RRBP1: variants seen among roughly 807,000 people sequenced by gnomAD.
The protein encoded by RRBP1 is ribosome-binding protein 1.
A neutral mutation model predicts 165.2 loss-of-function variants in RRBP1; 94 were observed. The observed-to-expected ratio is 0.57, with a 90% confidence interval of 0.48 to 0.68. The LOEUF (loss-of-function observed/expected upper bound fraction) is 0.68. RRBP1 is among the 30% of genes least tolerant of loss of function. The pLI is 0.00. For missense variants in RRBP1, 1,676 were observed against 1,763.0 expected (o/e 0.95, Z 0.88); for synonymous variants, 680 against 714.5 (o/e 0.95, Z 0.77).
intron 3 of RRBP1, among the ~76,000 whole-genome samples, chr20:17,650,917 G>A (rs1221515008): frequency 6.6e-6 from 1 of 152,184 alleles, no homozygotes; most frequent in East Asian, 1.9e-4. Flanking sequence ...CAACACCACT[G>A]CATACACACA....
Position 17,643,032 on chromosome 20 carries a change from G to A in RRBP1, c.2008C>T (p.Leu670Phe), listed in dbSNP as rs775449638. Residue 670 changes from leucine (L) to phenylalanine (F), a missense_variant, in exon 4 of 25, where the codon CTC becomes TTC. Leu to Phe is a conservative substitution (Grantham distance 22). Transcript: ENST00000377813. The surrounding 1 kb of genome is among the most constrained non-coding windows in gnomAD (Gnocchi z 4.3). The stretch of plus-strand genomic sequence containing the variant: ...GCCTTCTCAGACAGGATCTCGATGA[G>A]CCGCTGGGCCTCGCCCTCGTTGAAC... ...MVFNEGEAQR[L>F]IEILSEKAGI... 10 of 1,613,972 alleles carry A rather than the reference G, an allele frequency of 6.2e-6. No homozygotes were observed. In the East Asian group the frequency reaches 2.2e-4, roughly 36 times the overall value.
At chr20:17,634,303 AC>A (rs1467682394) in intron 7 of RRBP1, among the ~76,000 whole-genome samples, 1 of 152,186 alleles carries the variant, frequency 6.6e-6, no homozygotes, top group African/African-American at 2.4e-5. Flanking sequence ...AAACCCTGGG[AC>A]GCAGCACCAG....
intron 13 of RRBP1, 71 bp from the exon 14 acceptor site, chr20:17,622,018 C>G: frequency 8.8e-7 from 1 of 1,137,974 alleles, no homozygotes; most frequent in Non-Finnish European, 1.3e-6. Context: ...CAGGTCTTTA[C>G]TGATATGCCC....
intron 11 of RRBP1, 139 bp from the exon 12 acceptor site, chr20:17,625,741 A>C (rs2036005740): frequency 6.0e-6 from 4 of 663,556 alleles, no homozygotes; most frequent in South Asian, 1.8e-5. Context: ...GGCTGCCCCC[A>C]CCTCACCCAG....
chr20:17,667,738 G>A (rs1254277542), intron 2 of RRBP1, among the ~76,000 whole-genome samples: 1 of 152,190 alleles, frequency 6.6e-6, no homozygotes, highest in Non-Finnish European at 1.5e-5. Context: ...CCCAAATGCT[G>A]GCCATCTGCT....
In RRBP1 at chr20:17,629,851, C is replaced by T. The variant is rs749070869; in HGVS notation, c.2721G>A (p.Lys907=). The T allele has an allele frequency of 5.0e-6, 8 of 1,599,498 alleles. No homozygotes were observed. Among genetic ancestry groups the T allele is most frequent in the Non-Finnish European group, 6.8e-6 (8 of 1,179,388 alleles). The change falls in exon 9 of 25, where the codon AAG becomes AAA. Residue 907 remains lysine (K), a synonymous_variant. Coordinates refer to ENST00000377813, the MANE Select transcript of RRBP1 (RefSeq NM_001365613.2). ...CCATCTGCTGCTGTTGCTCCTGGGCCTTCTCGGCATCCGCCCGGAGGCTGG... is the reference window on the plus strand; with the variant it reads ...CCATCTGCTGCTGTTGCTCCTGGGCTTTCTCGGCATCCGCCCGGAGGCTGG... ...SHASLRADAE[K]AQEQQQQMAE...
chr20:17,617,041 CTA>C (rs2122239521), intron 20 of RRBP1, among the ~76,000 whole-genome samples: 1 of 152,284 alleles, frequency 6.6e-6, no homozygotes, highest in Non-Finnish European at 1.5e-5. Flanking sequence ...AGCCTCTGGG[CTA>C]ATGAGACCCA....
intron 24 of RRBP1, 74 bp downstream of exon 24, chr20:17,614,663 C>T: frequency 1.3e-6 from 2 of 1,580,326 alleles, no homozygotes; most frequent in African/African-American, 1.3e-5. Flanking sequence ...CCAGCTCTGC[C>T]TCTCCCGGTC....
intron 4 of RRBP1, 67 bp downstream of exon 4, chr20:17,642,912 G>A (rs2036392127): frequency 1.3e-6 from 2 of 1,536,746 alleles, no homozygotes; most frequent in Admixed American, 1.7e-5. Context: ...GTGGCAGAGG[G>A]AAGGGCAAAA....
At position 17,621,925 on chromosome 20, in the gene RRBP1, C is replaced by T. The variant is rs376871745; in HGVS notation, c.3170G>A (p.Cys1057Tyr). The T allele has an allele frequency of 7.0e-5, 113 of 1,613,428 alleles. 1 individual carries two copies. The African/African-American group carries it at 1.2e-3, about 17-fold the overall frequency. The change falls in exon 14 of 25, where the codon TGT (cysteine) becomes TAT (tyrosine). Residue 1057 changes from cysteine (C) to tyrosine (Y), a missense_variant. This residue lies in a region of RRBP1 where 1,184 missense variants were observed against 1,167.1 expected (regional missense o/e 1.01). Coordinates refer to ENST00000377813, the MANE Select transcript of RRBP1 (RefSeq NM_001365613.2). Reference sequence around the variant, plus strand: ...CTCCATGGTCTGCGCCTCAATCAGACAGAGCTGCTTCTCCGATTCCTCCTG... The same window carrying T: ...CTCCATGGTCTGCGCCTCAATCAGATAGAGCTGCTTCTCCGATTCCTCCTG... ...QAKEESEKQLCLIEAQTMEAL... is the reference protein window; with the variant it reads ...QAKEESEKQLYLIEAQTMEAL...
At chr20:17,620,854 C>T (rs1190494552) in intron 16 of RRBP1, 47 bp from the exon 17 acceptor site, 10 of 1,390,964 alleles carry the variant, frequency 7.2e-6, no homozygotes, top group Admixed American at 5.5e-5. Context: ...TCCCGAGACC[C>T]GCACCACACA....
intron 9 of RRBP1, 89 bp from the exon 10 acceptor site, chr20:17,627,771 T>G: frequency 7.6e-7 from 1 of 1,319,452 alleles, no homozygotes; most frequent in East Asian, 2.5e-5. Context: ...TCTTAGCACA[T>G]GTGGGGCACC....
In RRBP1 at chr20:17,633,441, G is replaced by C. The variant is rs772675213; in HGVS notation, c.2610+19C>G. Reference sequence around the variant, plus strand: ...TGGGCAGTGAACAGGGCACTGAGGCGGCCACTGCCCCGACTCACCTGCAGC... The same window carrying C: ...TGGGCAGTGAACAGGGCACTGAGGCCGCCACTGCCCCGACTCACCTGCAGC... On this transcript the variant is annotated intron_variant, in intron 8 of 24. Transcript: ENST00000377813. 2.5e-6 allele frequency: 4 copies of C among 1,609,252 alleles called. No homozygotes were observed. The highest frequency in any genetic ancestry group is 2.5e-6 in the Non-Finnish European group (3 of 1,177,854).
At chr20:17,627,173 G>A (rs928827016) in intron 11 of RRBP1, among the ~76,000 whole-genome samples, 175 bp downstream of exon 11, 4 of 102,764 alleles carry the variant, frequency 3.9e-5, no homozygotes, top group South Asian at 6.6e-4. Context: ...CTTCTTTCCC[G>A]CCCAGGCCTG....
chr20:17,668,910 CACT>C (rs1218286112), intron 2 of RRBP1, among the ~76,000 whole-genome samples: 1 of 152,192 alleles, frequency 6.6e-6, no homozygotes, highest in Non-Finnish European at 1.5e-5. Context: ...CTTGTGAATG[CACT>C]ACTATGCATT....
At position 17,627,630 on chromosome 20, in the gene RRBP1, C is replaced by T. The variant is rs1193985203; in HGVS notation, c.2802G>A (p.Glu934=). 7.4e-6 allele frequency: 12 copies of T among 1,612,904 alleles called. No homozygotes were observed. The highest frequency in any genetic ancestry group is 1.0e-5 in the Non-Finnish European group (12 of 1,179,658). ...SSEAEVRSKC[E]ELSGLHGQLQ... ...GCTGCCCGTGGAGGCCACTCAGCTCCTCGCATTTGCTGCGCACCTCCGCCT... is the reference window on the plus strand; with the variant it reads ...GCTGCCCGTGGAGGCCACTCAGCTCTTCGCATTTGCTGCGCACCTCCGCCT... Residue 934 remains glutamate (E), a synonymous_variant, in exon 10 of 25, where the codon GAG becomes GAA. Transcript: ENST00000377813.
chr20:17,635,541 C>A lies in RRBP1; in HGVS notation c.2456+5G>T. The stretch of plus-strand genomic sequence containing the variant: ...GAGGTGCTGAGGCAGGAAAGCTCAG[C>A]TTACTTGCTCTCCACCTGGCTCGTG... On this transcript the variant is annotated splice_donor_5th_base_variant and intron_variant, in intron 7 of 24. Coordinates refer to ENST00000377813, the MANE Select transcript of RRBP1 (RefSeq NM_001365613.2). 6.2e-7 allele frequency: 1 copy of A among 1,602,106 alleles called. No individual in the cohort carries two copies. The highest frequency in any genetic ancestry group is 8.5e-7 in the Non-Finnish European group (1 of 1,173,304).
chr20:17,614,768 A>C lies in RRBP1; in HGVS notation c.4163T>G (p.Val1388Gly). 6.2e-7 allele frequency: 1 copy of C among 1,612,852 alleles called. No individual in the cohort carries two copies. The highest frequency in any genetic ancestry group is 1.7e-5 in the Admixed American group (1 of 59,994). Reference sequence around the variant, plus strand: ...TTCCAGCTGTTCCTGCAGCTTCTTCACCGTGTCCTTCTCCCTTGCCAGCTG... The same window carrying C: ...TTCCAGCTGTTCCTGCAGCTTCTTCCCCGTGTCCTTCTCCCTTGCCAGCTG... ...QEQLAREKDT[V>G]KKLQEQLEKA... Residue 1388 changes from valine to glycine, a missense_variant, in exon 24 of 25, where the codon GTG becomes GGG. Physicochemically the swap from Val to Gly is moderately radical, Grantham distance 109 (BLOSUM62 -3). Coordinates refer to ENST00000377813, the MANE Select transcript of RRBP1 (RefSeq NM_001365613.2).
intron 5 of RRBP1, among the ~76,000 whole-genome samples, chr20:17,637,924 T>C (rs2036277810): frequency 6.6e-6 from 1 of 152,144 alleles, no homozygotes; most frequent in Non-Finnish European, 1.5e-5. Flanking sequence ...AAGACGAGGA[T>C]TACAATCCCC....
Sources: gnomAD v4.1 joint callset for allele counts (sites outside exome capture counted in the v4.1 genomes callset) on GRCh38, gnomAD v4.1.1 for gene constraint, gnomAD v4.1.1 regional missense constraint, Gnocchi (gnomAD v3.1) non-coding constraint, MANE v1.5 for transcripts, NCBI Gene and HGNC (gene_info 2026-07-23, HGNC 2026-07-21) for gene names.